The following TOX2 variants were observed in gnomAD, a reference collection of about 807,000 sequenced individuals.
TOX2 encodes the protein TOX high mobility group box family member 2, also known as granulosa cell HMG box 1.
TOX2 carries 15 observed loss-of-function variants against 47.4 expected under a neutral mutation model. The observed-to-expected ratio is 0.32, with a 90% confidence interval of 0.21 to 0.49. TOX2 has a LOEUF of 0.49. TOX2 is among the 20% of genes least tolerant of loss of function. TOX2 has a pLI of 0.99. For missense variants in TOX2, 622 were observed against 673.1 expected (o/e 0.92, Z 0.84); for synonymous variants, 290 against 296.6 (o/e 0.98, Z 0.23).
intron 2 of TOX2, among the ~76,000 whole-genome samples, chr20:43,989,108 C>T (rs1426935727): frequency 6.6e-6 from 1 of 152,172 alleles, no homozygotes; most frequent in Non-Finnish European, 1.5e-5. Flanking sequence ...AGGCATGCAG[C>T]ATCTCAGTCC....
At chr20:43,918,710 A>G (rs1286201876) in intron 1 of TOX2, among the ~76,000 whole-genome samples, 2 of 152,242 alleles carry the variant, frequency 1.3e-5, no homozygotes, top group Admixed American at 1.3e-4. Context: ...TTGTATAAAT[A>G]TAATACAATT....
chr20:43,919,231 A>G (rs6017217), intron 1 of TOX2, among the ~76,000 whole-genome samples: 64,252 of 152,144 alleles, frequency 0.42, 13,866 homozygotes, highest in African/African-American at 0.48. Context: ...CACTGTGCAC[A>G]GCAACTGATG....
At chr20:43,991,052 C>T (rs2070359275) in intron 2 of TOX2, among the ~76,000 whole-genome samples, 1 of 152,158 alleles carries the variant, frequency 6.6e-6, no homozygotes, top group Non-Finnish European at 1.5e-5. Context: ...GGAGCACAGG[C>T]ATGAATTGAA....
At chr20:44,044,139 A>G (rs1207829035) in intron 3 of TOX2, among the ~76,000 whole-genome samples, 3 of 152,236 alleles carry the variant, frequency 2.0e-5, no homozygotes, top group African/African-American at 7.2e-5. Flanking sequence ...GACATGGATG[A>G]AGCTGGAAAC....
intron 3 of TOX2, among the ~76,000 whole-genome samples, chr20:44,049,456 T>C (rs1184557994): frequency 1.3e-5 from 2 of 152,204 alleles, no homozygotes; most frequent in Non-Finnish European, 2.9e-5. Flanking sequence ...AAAAGAAAAT[T>C]AGCCACTTAG....
chr20:43,955,581 G>T (rs1363109106), intron 1 of TOX2, among the ~76,000 whole-genome samples: 1 of 152,260 alleles, frequency 6.6e-6, no homozygotes, highest in African/African-American at 2.4e-5. Context: ...GGAAATTAGG[G>T]TTTGCAAATT....
At chr20:43,989,419 A>C (rs926139449) in intron 2 of TOX2, among the ~76,000 whole-genome samples, 6 of 152,196 alleles carry the variant, frequency 3.9e-5, no homozygotes, top group Admixed American at 3.9e-4. Context: ...TTCTATTTAT[A>C]AAGAAGCAGA....
At chr20:43,926,959 G>A (rs2069175668) in intron 1 of TOX2, among the ~76,000 whole-genome samples, 1 of 152,156 alleles carries the variant, frequency 6.6e-6, no homozygotes, top group Admixed American at 6.5e-5. Context: ...TCTAGTTCAA[G>A]TGCAAAGGAA....
chr20:44,027,082 G>T (rs1569110300), intron 3 of TOX2, among the ~76,000 whole-genome samples: 1 of 152,206 alleles, frequency 6.6e-6, no homozygotes, highest in Non-Finnish European at 1.5e-5. Flanking sequence ...GAATATTCAT[G>T]AGCTGACTGT....
chr20:43,952,808 C>G (rs890377766), intron 1 of TOX2, among the ~76,000 whole-genome samples: 4 of 152,130 alleles, frequency 2.6e-5, no homozygotes, highest in Admixed American at 2.0e-4. Flanking sequence ...TCGGTACTTA[C>G]GGGACTCACT....
chr20:44,047,159 A>G (rs2071423699), intron 3 of TOX2, among the ~76,000 whole-genome samples: 1 of 152,222 alleles, frequency 6.6e-6, no homozygotes, highest in South Asian at 2.1e-4. Flanking sequence ...GTTACAGTGC[A>G]GAGTTTCTCA....
chr20:44,006,634 C>T lies in TOX2; in HGVS notation c.253C>T (p.Leu85=), dbSNP rs1310911369. 39 of 1,614,022 alleles carry T rather than the reference C, an allele frequency of 2.4e-5. No homozygotes were observed. The highest frequency in any genetic ancestry group is 3.2e-5 in the Non-Finnish European group (38 of 1,180,036). ...PNLPEPSLLH[L]GDHEASYHSL... is the part of the protein sequence containing the mutation. The stretch of plus-strand genomic sequence containing the variant: ...CCTCCCGGAGCCATCCCTCCTGCAC[C>T]TGGGGGACCACGAAGCCAGCTACCA... Residue 85 remains leucine (L), a synonymous_variant, in exon 3 of 9, where the codon CTG becomes TTG. Coordinates refer to ENST00000341197, the MANE Select transcript of TOX2 (RefSeq NM_001098797.2).
intron 3 of TOX2, among the ~76,000 whole-genome samples, chr20:44,012,523 G>C (rs530456892): frequency 7.9e-5 from 12 of 152,298 alleles, no homozygotes; most frequent in African/African-American, 2.6e-4. Flanking sequence ...GAGTTGTGTG[G>C]TCTTGCTGTG....
intron 1 of TOX2, among the ~76,000 whole-genome samples, chr20:43,919,607 A>T (rs2145828335): frequency 6.6e-6 from 1 of 152,218 alleles, no homozygotes; most frequent in Middle Eastern, 3.4e-3. Flanking sequence ...TACACCTATG[A>T]ACCCATCACC....
intron 8 of TOX2, among the ~76,000 whole-genome samples, chr20:44,067,806 G>A (rs891632135): frequency 6.6e-6 from 1 of 152,186 alleles, no homozygotes; most frequent in Non-Finnish European, 1.5e-5. Context: ...CGCCAGCCAG[G>A]TTCCCATTCC....
In TOX2 at chr20:44,068,630, G is replaced by GC. The variant is rs777348300; in HGVS notation, c.1485-16dup. ...GGAGAGGTACCCAACAGCTTTGACAGCCCCTCCTCTCTCTCACAGCCTGCT... is the reference window on the plus strand; with the variant it reads ...GGAGAGGTACCCAACAGCTTTGACAGCCCCCTCCTCTCTCTCACAGCCTGCT... On this transcript the variant is annotated intron_variant, in intron 8 of 8. Transcript: ENST00000341197. 6.2e-7 allele frequency: 1 copy of GC among 1,606,882 alleles called. No individual in the cohort carries two copies. Among genetic ancestry groups the GC allele is most frequent in the Non-Finnish European group, 8.5e-7 (1 of 1,174,864 alleles).
intron 2 of TOX2, among the ~76,000 whole-genome samples, chr20:43,979,170 A>G (rs2070130137): frequency 6.6e-6 from 1 of 152,204 alleles, no homozygotes; most frequent in Non-Finnish European, 1.5e-5. Context: ...CCACATGGAG[A>G]TGTTCAAGTA....
rs1162847636 is a variant in TOX2 at position 43,997,600 on chromosome 20, AC to A, written c.166-8946del. Among the ~76,000 whole-genome samples the A allele has an allele frequency of 3.3e-5, 5 of 152,274 alleles. No individual in the cohort carries two copies. The East Asian group carries it at 5.8e-4, about 18-fold the overall frequency. On this transcript the variant is annotated intron_variant, in intron 2 of 8. Transcript: ENST00000341197. ...TTATTTTATTAGCCTTTTCAAAAAA[AC>A]AATCTCTTCCTTGTATTTCTTATCT...
chr20:44,064,157 G>T (rs777014279), intron 5 of TOX2, among the ~76,000 whole-genome samples: 4 of 152,046 alleles, frequency 2.6e-5, no homozygotes, highest in Non-Finnish European at 5.9e-5. Flanking sequence ...TAGCAAGAGG[G>T]CTCACCAATA....
Sources: gnomAD v4.1 joint callset for allele counts (sites outside exome capture counted in the v4.1 genomes callset) on GRCh38, gnomAD v4.1.1 for gene constraint, MANE v1.5 for transcripts, NCBI Gene and HGNC (gene_info 2026-07-23, HGNC 2026-07-21) for gene names.